The following MTERF3 variants were observed in gnomAD, a reference collection of about 807,000 sequenced individuals.
MTERF3 encodes the protein transcription termination factor 3, mitochondrial.
MTERF3 carries 40 observed loss-of-function variants against 40.5 expected under a neutral mutation model. That is an observed-to-expected ratio of 0.99 (90% CI 0.77 to 1.29). MTERF3 has a LOEUF of 1.29. Among genes scored for constraint, MTERF3 ranks in the 50% most tolerant of loss-of-function variants. The pLI, the probability that MTERF3 is intolerant of heterozygous loss-of-function variation, is 0.00. For synonymous variants in MTERF3, 158 were observed against 166.6 expected (o/e 0.95, Z 0.40); for missense variants, 452 against 478.2 (o/e 0.95, Z 0.51).
At chr8:96,249,814 C>G (rs1810090737) in intron 4 of MTERF3, among the ~76,000 whole-genome samples, 1 of 151,938 alleles carries the variant, frequency 6.6e-6, no homozygotes, top group South Asian at 2.1e-4. Flanking sequence ...CTGATTTGAG[C>G]TATAAGAAGA....
rs76225154 is a variant in MTERF3 at position 96,244,257 on chromosome 8, T to C, written c.898-177A>G. 2.7e-3 allele frequency among the ~76,000 whole-genome samples: 414 copies of C among 151,956 alleles called. 2 individuals are homozygous for C. The highest frequency in any genetic ancestry group is 9.7e-3 in the African/African-American group (402 of 41,468). On this transcript the variant is annotated intron_variant, in intron 6 of 7. Transcript: ENST00000287025. ...CCAAGTAACTGGAACTACAGAGGAA[T>C]GCCACCACACCTGGCTAATTCTTGT...
intron 4 of MTERF3, among the ~76,000 whole-genome samples, chr8:96,249,998 A>G (rs1810094510): frequency 1.3e-5 from 2 of 152,130 alleles, no homozygotes; most frequent in African/African-American, 2.4e-5. Context: ...ACTTAGGGAC[A>G]GGGGTTTTGC....
chr8:96,244,369 G>A (rs1381365211), intron 6 of MTERF3, among the ~76,000 whole-genome samples: 2 of 150,050 alleles, frequency 1.3e-5, no homozygotes, highest in Admixed American at 6.6e-5. Flanking sequence ...TTGGCCTCCC[G>A]AAGTGCTTAC....
chr8:96,240,658 C>T (rs946007033), intron 7 of MTERF3, among the ~76,000 whole-genome samples: 2 of 152,094 alleles, frequency 1.3e-5, no homozygotes, highest in Admixed American at 6.5e-5. Context: ...ATGGGAGATC[C>T]GGCCAGACTT....
Position 96,246,350 on chromosome 8 carries a change from C to G in MTERF3, c.782G>C (p.Arg261Thr), listed in dbSNP as rs1476317835. The change falls in exon 5 of 8, where the codon AGA becomes ACA. Residue 261 changes from arginine (R) to threonine (T), a missense_variant. Transcript: ENST00000287025. ...AAGTTCTTTCTGAAAAAATCCCAAT[C>G]TGTTATCCAGTCTTTCCACTGAAAA... ...LNFSVERLDN[R>T]LGFFQKELEL... 1 of 1,611,690 alleles carries G rather than the reference C, an allele frequency of 6.2e-7. No homozygotes were observed. Among genetic ancestry groups the G allele is most frequent in the Admixed American group, 1.7e-5 (1 of 59,628 alleles).
intron 6 of MTERF3, 103 bp downstream of exon 6, chr8:96,245,756 TA>T: frequency 1.1e-6 from 1 of 899,472 alleles, no homozygotes; most frequent in Non-Finnish European, 1.7e-6. Flanking sequence ...TAACTTATTT[TA>T]AAGTCTAGTT....
chr8:96,250,663 A>AAGG (rs1810150868), intron 4 of MTERF3, among the ~76,000 whole-genome samples: 1 of 31,940 alleles, frequency 3.1e-5, no homozygotes, highest in Non-Finnish European at 7.0e-5. Flanking sequence ...GAAGAAGAAG[A>AAGG]AGAAGAAGAA....
At position 96,239,661 on chromosome 8, in the gene MTERF3, C is replaced by T. The variant is rs1187118927; in HGVS notation, c.1084G>A (p.Val362Ile). The T allele has an allele frequency of 6.3e-7, 1 of 1,593,674 alleles. No individual in the cohort carries two copies. The highest frequency in any genetic ancestry group is 8.5e-7 in the Non-Finnish European group (1 of 1,175,182). ...PQVFNTRLFK[V>I]KERHLFLTYL... ...GTAAGAAACAAGTGTCTTTCTTTGA[C>T]CTTAAACAGCCTTGTATTAAATACC... Residue 362 changes from valine (V) to isoleucine (I), a missense_variant, in exon 8 of 8, where the codon GTC (valine) becomes ATC (isoleucine). Coordinates refer to ENST00000287025, the MANE Select transcript of MTERF3 (RefSeq NM_015942.5).
Position 96,258,575 on chromosome 8 carries a change from T to C in MTERF3, c.116A>G (p.His39Arg). 1.2e-6 allele frequency: 2 copies of C among 1,614,158 alleles called. No individual in the cohort carries two copies. The highest frequency in any genetic ancestry group is 1.7e-6 in the Non-Finnish European group (2 of 1,179,992). ...RFTRPARTLL[H>R]GFSAQPQISS... ...TATCTGAGGCTGAGCAGAAAAGCCA[T>C]GTAACAGTGTTCTTGCTGGTCTAGT... The change falls in exon 2 of 8, where the codon CAT becomes CGT. Residue 39 changes from histidine (H) to arginine (R), a missense_variant. Physicochemically the swap from His to Arg is conservative, Grantham distance 29. Coordinates refer to ENST00000287025, the MANE Select transcript of MTERF3 (RefSeq NM_015942.5).
intron 1 of MTERF3, among the ~76,000 whole-genome samples, chr8:96,260,783 A>C (rs2129961591): frequency 6.6e-6 from 1 of 152,326 alleles, no homozygotes; most frequent in South Asian, 2.1e-4. Flanking sequence ...TTAACAATTG[A>C]TTAACTGTTC....
rs1260781480 is a variant in MTERF3, at chr8:96,257,004, A to G, written c.445T>C (p.Tyr149His). The change falls in exon 3 of 8, where the codon TAT (tyrosine) becomes CAT (histidine). Residue 149 changes from tyrosine (Y) to histidine (H), a missense_variant. By Grantham distance (83) the Tyr-to-His change is moderately conservative. Coordinates refer to ENST00000287025, the MANE Select transcript of MTERF3 (RefSeq NM_015942.5). Reference protein sequence around the residue: ...LPPASFTLRDYVDHSETLQKL... With the variant: ...LPPASFTLRDHVDHSETLQKL... Reference sequence around the variant, plus strand: ...TGCAGAGTCTCAGAATGATCCACATAGTCTCGAAGTGTGAATGAAGCTGGT... The same window carrying G: ...TGCAGAGTCTCAGAATGATCCACATGGTCTCGAAGTGTGAATGAAGCTGGT... The G allele has an allele frequency of 8.7e-6, 14 of 1,613,698 alleles. No homozygotes were observed. Among genetic ancestry groups the G allele is most frequent in the Non-Finnish European group, 1.2e-5 (14 of 1,179,864 alleles).
chr8:96,239,465 T>G lies in MTERF3; in HGVS notation c.*26A>C. On this transcript the variant is annotated 3_prime_UTR_variant, in exon 8 of 8. Coordinates refer to ENST00000287025, the MANE Select transcript of MTERF3 (RefSeq NM_015942.5). ...ATTCATATATATATTCACTTTACAA[T>G]ACTGCATTTTAACATACATAAAAAT... 1.3e-6 allele frequency: 2 copies of G among 1,499,192 alleles called. No homozygotes were observed. Among genetic ancestry groups the G allele is most frequent in the Non-Finnish European group, 1.8e-6 (2 of 1,102,212 alleles). The allele number at this position is 1,499,192 out of a possible 1,614,324, so 92.9% of individuals were successfully genotyped here.
intron 4 of MTERF3, 94 bp downstream of exon 4, chr8:96,250,812 C>G: frequency 1.7e-6 from 2 of 1,208,908 alleles, no homozygotes; most frequent in Non-Finnish European, 2.3e-6. Flanking sequence ...TCTCAGTAGA[C>G]CCTTGTGCAG....
Position 96,244,012 on chromosome 8 carries a change from C to T in MTERF3, c.966G>A (p.Met322Ile). 6.2e-6 allele frequency: 10 copies of T among 1,613,896 alleles called. No individual in the cohort carries two copies. Among genetic ancestry groups the T allele is most frequent in the Non-Finnish European group, 8.5e-6 (10 of 1,179,776 alleles). The change falls in exon 7 of 8, where the codon ATG becomes ATA. Residue 322 changes from methionine (M) to isoleucine (I), a missense_variant. Transcript: ENST00000287025. ...TAAGTTTCATTTTATTTGCAGTTAA[C>T]ATCTTTGGGATTCTGGTGATCATAT... ...IQHMITRIPK[M>I]LTANKMKLTE...
chr8:96,250,620 G>GA (rs565820323), intron 4 of MTERF3, among the ~76,000 whole-genome samples: 7 of 9,444 alleles, frequency 7.4e-4, no homozygotes, highest in East Asian at 1.5e-3. Flanking sequence ...TGAGGCAGAA[G>GA]AAGAAGAAGA....
intron 4 of MTERF3, among the ~76,000 whole-genome samples, chr8:96,250,629 GAA>G (rs1563548689): frequency 5.9e-5 from 1 of 17,088 alleles, no homozygotes; most frequent in Non-Finnish European, 1.2e-4. Context: ...AGAAGAAGAA[GAA>G]GAAGAAGAAG....
At chr8:96,258,790 G>A in intron 1 of MTERF3, 90 bp from the exon 2 acceptor site, 2 of 993,404 alleles carry the variant, frequency 2.0e-6, no homozygotes, top group Non-Finnish European at 1.5e-6. Context: ...AAGATAAACT[G>A]GAAATTATTT....
At chr8:96,256,310 GGT>G (rs1586172754) in intron 3 of MTERF3, among the ~76,000 whole-genome samples, 1 of 152,060 alleles carries the variant, frequency 6.6e-6, no homozygotes, top group East Asian at 1.9e-4. Context: ...AGGAGGTCGG[GGT>G]AGTGTGACAA....
At chr8:96,251,219 C>T in intron 3 of MTERF3, 124 bp from the exon 4 acceptor site, 1 of 651,178 alleles carries the variant, frequency 1.5e-6, no homozygotes, top group Non-Finnish European at 2.4e-6. Context: ...TGAGATAGAT[C>T]AATAGAAACT....
Sources: allele counts gnomAD v4.1 joint callset (sites outside exome capture counted in the v4.1 genomes callset), GRCh38; gene constraint gnomAD v4.1.1; transcripts MANE v1.5; gene names NCBI Gene and HGNC (gene_info 2026-07-23, HGNC 2026-07-21).